FAM184A: variants seen among roughly 807,000 people sequenced by gnomAD.
The protein encoded by FAM184A is family with sequence similarity 184 member A.
Under a neutral mutation model 143.8 loss-of-function variants are expected in FAM184A, and 99 were observed. The observed-to-expected ratio is 0.69, with a 90% confidence interval of 0.58 to 0.81. The LOEUF (loss-of-function observed/expected upper bound fraction) is 0.81. Ranked by LOEUF, FAM184A falls within the 40% of genes least tolerant of loss-of-function variation. FAM184A has a pLI of 0.00. For missense variants in FAM184A, 1,217 were observed against 1,310.5 expected, an observed-to-expected ratio of 0.93 and a Z score of 1.10; for synonymous variants, 427 against 446.4, an observed-to-expected ratio of 0.96 and a Z score of 0.55.
At chr6:119,087,502 C>G (rs1469305740) in intron 1 of FAM184A, among the ~76,000 whole-genome samples, 1 of 152,100 alleles carries the variant, frequency 6.6e-6, no homozygotes, top group Non-Finnish European at 1.5e-5. Context: ...CAAAACATCA[C>G]TAATTATAAA....
intron 1 of FAM184A, among the ~76,000 whole-genome samples, chr6:119,087,365 C>G (rs187653015): frequency 9.7e-4 from 147 of 152,238 alleles, no homozygotes; most frequent in African/African-American, 3.4e-3. Flanking sequence ...ATATCCAGAG[C>G]ATATAAAGAA....
intron 1 of FAM184A, among the ~76,000 whole-genome samples, chr6:119,043,165 T>C (rs1337131978): frequency 2.0e-5 from 3 of 152,122 alleles, no homozygotes; most frequent in African/African-American, 7.2e-5. Flanking sequence ...TGAAATAACC[T>C]ATAAATTCAT....
chr6:118,966,521 A>T (rs1783506009), intron 15 of FAM184A, among the ~76,000 whole-genome samples: 1 of 152,300 alleles, frequency 6.6e-6, no homozygotes, highest in East Asian at 1.9e-4. Flanking sequence ...CTACATGTGC[A>T]ACACACATAC....
intron 9 of FAM184A, among the ~76,000 whole-genome samples, chr6:118,997,535 C>T (rs758708571): frequency 2.6e-5 from 4 of 151,802 alleles, no homozygotes; most frequent in Non-Finnish European, 4.4e-5. Context: ...ACTAAAAATA[C>T]GAAAATTAAC....
intron 1 of FAM184A, among the ~76,000 whole-genome samples, chr6:119,051,532 A>G (rs1268552197): frequency 6.6e-6 from 1 of 152,214 alleles, no homozygotes; most frequent in Non-Finnish European, 1.5e-5. Context: ...CTATAATTGG[A>G]TTGTTTGTAA....
At chr6:119,025,036 T>C (rs1321860098) in intron 1 of FAM184A, among the ~76,000 whole-genome samples, 1 of 152,234 alleles carries the variant, frequency 6.6e-6, no homozygotes, top group Admixed American at 6.5e-5. Flanking sequence ...TTAAAGACTT[T>C]TTAGTTATAA....
intron 1 of FAM184A, among the ~76,000 whole-genome samples, chr6:119,130,858 C>CTTTTTTTTT (rs67738048): frequency 2.3e-5 from 3 of 131,700 alleles, no homozygotes; most frequent in Non-Finnish European, 3.2e-5. Context: ...TTCTTTTTTT[C>CTTTTTTTTT]TTTTTTTTTT....
chr6:119,148,319 G>A (rs1331264853), intron 1 of FAM184A, among the ~76,000 whole-genome samples: 1 of 152,162 alleles, frequency 6.6e-6, no homozygotes, highest in Non-Finnish European at 1.5e-5. Context: ...CTGTAACTGG[G>A]TTTTAGCTCC....
At chr6:119,031,806 G>A (rs1253619204) in intron 1 of FAM184A, among the ~76,000 whole-genome samples, 1 of 152,110 alleles carries the variant, frequency 6.6e-6, no homozygotes, top group Non-Finnish European at 1.5e-5. Flanking sequence ...ATAAATGATG[G>A]TATATTCATA....
chr6:119,041,879 C>T lies in FAM184A; in HGVS notation c.160-17066G>A, dbSNP rs567854250. Reference sequence around the variant, plus strand: ...TTCCACGGTTCTCTTCCATGACCCACGGCTTCTAATAGAGGTATAACACTC... The same window carrying T: ...TTCCACGGTTCTCTTCCATGACCCATGGCTTCTAATAGAGGTATAACACTC... On this transcript the variant is annotated intron_variant, in intron 1 of 17. Transcript: ENST00000338891. Among the ~76,000 whole-genome samples the T allele has an allele frequency of 2.6e-3, 396 of 152,246 alleles. 4 individuals are homozygous for T. Among genetic ancestry groups the T allele is most frequent in the African/African-American group, 9.2e-3 (382 of 41,546 alleles).
chr6:119,051,282 A>T (rs1786754601), intron 1 of FAM184A, among the ~76,000 whole-genome samples: 1 of 152,252 alleles, frequency 6.6e-6, no homozygotes, highest in African/African-American at 2.4e-5. Context: ...AACCAGGCAC[A>T]CAAAGACAAA....
chr6:118,976,593 G>A (rs913599764), intron 11 of FAM184A, among the ~76,000 whole-genome samples: 4 of 151,940 alleles, frequency 2.6e-5, no homozygotes. Context: ...GAACCTGGGA[G>A]GCAGAGGTTG....
intron 1 of FAM184A, among the ~76,000 whole-genome samples, chr6:119,131,597 T>C (rs1789536727): frequency 6.6e-6 from 1 of 152,116 alleles, no homozygotes; most frequent in Non-Finnish European, 1.5e-5. Context: ...GCGATCCCCC[T>C]ACCACAGCCT....
At position 118,969,481 on chromosome 6, in the gene FAM184A, A is replaced by G. The variant is rs572602873; in HGVS notation, c.2916-2529T>C. Among the ~76,000 whole-genome samples, 5 of 152,356 alleles carry G rather than the reference A, an allele frequency of 3.3e-5. No individual in the cohort carries two copies. In the South Asian group the frequency reaches 1.0e-3, roughly 32 times the overall value. ...TAGATTTAACTTGCAAATATATTTC[A>G]TTAATTACTAGTCTTTCAAAATTTT... On this transcript the variant is annotated intron_variant, in intron 14 of 17. Transcript: ENST00000338891.
intron 14 of FAM184A, 142 bp from the exon 15 acceptor site, chr6:118,967,094 A>C: frequency 2.0e-6 from 1 of 512,466 alleles, no homozygotes; most frequent in Admixed American, 3.7e-5. Context: ...TTTAAGCATA[A>C]TGACATGACT....
At chr6:118,988,576 G>T (rs1461689217) in intron 9 of FAM184A, among the ~76,000 whole-genome samples, 1 of 152,146 alleles carries the variant, frequency 6.6e-6, no homozygotes, top group Non-Finnish European at 1.5e-5. Flanking sequence ...TAACTTGACT[G>T]ACCATATAAT....
At chr6:119,056,184 A>C (rs2114757011) in intron 1 of FAM184A, among the ~76,000 whole-genome samples, 1 of 152,352 alleles carries the variant, frequency 6.6e-6, no homozygotes, top group East Asian at 1.9e-4. Flanking sequence ...AATACTTAAA[A>C]GAAAAAAGAG....
intron 4 of FAM184A, 28 bp downstream of exon 4, chr6:119,019,950 G>T: frequency 6.8e-7 from 1 of 1,476,120 alleles, no homozygotes; most frequent in African/African-American, 1.4e-5. Context: ...ACTCTTTCGG[G>T]GGGAATGGAG....
At chr6:119,091,940 A>G (rs1243164646) in intron 1 of FAM184A, among the ~76,000 whole-genome samples, 1 of 152,146 alleles carries the variant, frequency 6.6e-6, no homozygotes, top group Non-Finnish European at 1.5e-5. Context: ...TACTATGTTG[A>G]TGGGTCCATT....
Sources: gnomAD v4.1 joint callset for allele counts (sites outside exome capture counted in the v4.1 genomes callset) on GRCh38, gnomAD v4.1.1 for gene constraint, MANE v1.5 for transcripts, NCBI Gene and HGNC (gene_info 2026-07-23, HGNC 2026-07-21) for gene names.